The following SGCZ variants were observed in gnomAD, a reference collection of about 807,000 sequenced individuals.
The protein encoded by SGCZ is zeta-sarcoglycan.
A neutral mutation model predicts 41.3 loss-of-function variants in SGCZ; 40 were observed. The ratio of observed to expected loss-of-function variants is 0.97; its 90% CI spans 0.75 to 1.26. The LOEUF (loss-of-function observed/expected upper bound fraction) is 1.26, where lower values mean the gene tolerates loss of function less well. Among genes scored for constraint, SGCZ ranks in the 50% most tolerant of loss-of-function variants. The pLI is 0.00. For synonymous variants in SGCZ, 206 were observed against 137.5 expected (o/e 1.50, Z -3.49); for missense variants, 552 against 369.8 (o/e 1.49, Z -4.04).
At chr8:15,227,469 T>C (rs1387363823) in intron 1 of SGCZ, among the ~76,000 whole-genome samples, 1 of 152,208 alleles carries the variant, frequency 6.6e-6, no homozygotes, top group Non-Finnish European at 1.5e-5. Flanking sequence ...CGTCTTATAA[T>C]GTAAACTTTA....
rs567860857 is a variant in SGCZ, at chr8:15,189,227, G to A, written c.39+48358C>T. On this transcript the variant is annotated intron_variant, in intron 1 of 7. Coordinates refer to ENST00000382080, the MANE Select transcript of SGCZ (RefSeq NM_139167.4). ...ATTTTAAGAGTAAACAAATTTGGAA[G>A]GTCAATTTTGTCAGAAAGTAAAGAG... Among the ~76,000 whole-genome samples the A allele has an allele frequency of 5.3e-5, 8 of 152,252 alleles. No individual in the cohort carries two copies. In the East Asian group the frequency reaches 1.5e-3, roughly 29 times the overall value.
At chr8:15,219,267 T>G (rs1329258268) in intron 1 of SGCZ, among the ~76,000 whole-genome samples, 5 of 152,180 alleles carry the variant, frequency 3.3e-5, no homozygotes, top group African/African-American at 9.7e-5. Context: ...ATACTTTCCT[T>G]TCTCTTGTGT....
At chr8:14,617,832 A>G (rs145700979) in intron 1 of SGCZ, among the ~76,000 whole-genome samples, 2,185 of 137,492 alleles carry the variant, frequency 0.016, 52 homozygotes, top group African/African-American at 0.056. Context: ...GTAAGTTTTT[A>G]TAATTTTTTG....
intron 1 of SGCZ, among the ~76,000 whole-genome samples, chr8:14,980,620 A>T (rs547384075): frequency 6.4e-4 from 97 of 152,322 alleles, no homozygotes; most frequent in African/African-American, 2.3e-3. Context: ...GGCAGCAGGC[A>T]AAGAGAGAGA....
intron 1 of SGCZ, among the ~76,000 whole-genome samples, chr8:15,203,344 A>G (rs1017952828): frequency 6.6e-6 from 1 of 152,098 alleles, no homozygotes; most frequent in Non-Finnish European, 1.5e-5. Flanking sequence ...CAGTAGTGGG[A>G]TTTTTATTTG....
chr8:14,269,418 A>G (rs1026287454), intron 3 of SGCZ, among the ~76,000 whole-genome samples: 7 of 151,932 alleles, frequency 4.6e-5, no homozygotes, highest in Non-Finnish European at 1.0e-4. Flanking sequence ...GATCATATCC[A>G]TTTACTTGCC....
At chr8:14,695,302 T>C (rs1002947944) in intron 1 of SGCZ, among the ~76,000 whole-genome samples, 22 of 152,250 alleles carry the variant, frequency 1.4e-4, no homozygotes, top group African/African-American at 4.8e-4. Flanking sequence ...TAAAGAAAAG[T>C]AGAAAATAAA....
At position 14,837,736 on chromosome 8, in the gene SGCZ, G is replaced by GT. The variant is rs528766577; in HGVS notation, c.40-282811dup. 3.9e-3 allele frequency among the ~76,000 whole-genome samples: 598 copies of GT among 152,078 alleles called. 13 individuals carry two copies. The highest frequency in any genetic ancestry group is 0.03 in the Admixed American group (460 of 15,266). On this transcript the variant is annotated intron_variant, in intron 1 of 7. Transcript: ENST00000382080. ...ATTTCTGTATATTACAATGGGATGG[G>GT]TTTTTTTGTGAAGAATCGTACTTAG...
At chr8:14,213,264 A>G (rs1805877704) in intron 4 of SGCZ, among the ~76,000 whole-genome samples, 1 of 152,152 alleles carries the variant, frequency 6.6e-6, no homozygotes, top group Non-Finnish European at 1.5e-5. Flanking sequence ...ATTTCTGAAA[A>G]GTAAAGACAC....
At chr8:14,337,736 C>G (rs2081668) in intron 2 of SGCZ, among the ~76,000 whole-genome samples, 117,307 of 152,040 alleles carry the variant, frequency 0.77, 45,355 homozygotes, top group South Asian at 0.88. Flanking sequence ...ATTAAAAATT[C>G]TGGGTGAGAA....
chr8:15,227,629 G>A (rs78740152), intron 1 of SGCZ, among the ~76,000 whole-genome samples: 13,394 of 152,136 alleles, frequency 0.088, 709 homozygotes, highest in African/African-American at 0.15. Context: ...TTCTCAAATT[G>A]TAGTTGATGT....
At chr8:15,084,624 T>C (rs1042277420) in intron 1 of SGCZ, among the ~76,000 whole-genome samples, 4 of 152,152 alleles carry the variant, frequency 2.6e-5, no homozygotes, top group African/African-American at 9.6e-5. Context: ...TGGTAATGCA[T>C]GTCTGTAGTC....
chr8:14,522,576 A>G (rs1439419840), intron 2 of SGCZ, among the ~76,000 whole-genome samples: 1 of 151,768 alleles, frequency 6.6e-6, no homozygotes, highest in Non-Finnish European at 1.5e-5. Flanking sequence ...ATATCATTTC[A>G]TTCCTTATAT....
intron 1 of SGCZ, among the ~76,000 whole-genome samples, chr8:14,784,933 TA>T (rs33996345): frequency 1.0e-5 from 1 of 97,362 alleles, no homozygotes; most frequent in Non-Finnish European, 1.9e-5. Context: ...TATATATATA[TA>T]AAATATATAT....
chr8:15,040,009 T>A (rs1804029422), intron 1 of SGCZ, among the ~76,000 whole-genome samples: 1 of 152,202 alleles, frequency 6.6e-6, no homozygotes, highest in African/African-American at 2.4e-5. Flanking sequence ...AAAAAGTTAA[T>A]AACCAGCAAG....
chr8:14,632,983 A>G (rs1806709162), intron 1 of SGCZ, among the ~76,000 whole-genome samples: 2 of 151,818 alleles, frequency 1.3e-5, no homozygotes, highest in Admixed American at 1.3e-4. Flanking sequence ...AATTATATAT[A>G]TATATTATTT....
intron 1 of SGCZ, among the ~76,000 whole-genome samples, chr8:14,793,838 T>C (rs143881978): frequency 2.6e-5 from 4 of 152,240 alleles, no homozygotes; most frequent in South Asian, 2.1e-4. Flanking sequence ...GAAGCTGAAA[T>C]AGAGGATCTT....
In SGCZ at chr8:14,283,070, C is replaced by T. The variant is rs181896637; in HGVS notation, c.336+41033G>A. 2.9e-3 allele frequency among the ~76,000 whole-genome samples: 434 copies of T among 151,822 alleles called. 5 individuals are homozygous for T. The highest frequency in any genetic ancestry group is 0.017 in the Middle Eastern group (5 of 290). On this transcript the variant is annotated intron_variant, in intron 3 of 7. Coordinates refer to ENST00000382080, the MANE Select transcript of SGCZ (RefSeq NM_139167.4). ...TTCACCGTGTTAGCCAGGATGCTCT[C>T]GATCTCCTGACCTCGTGATCCGCCC...
intron 2 of SGCZ, among the ~76,000 whole-genome samples, chr8:14,526,538 C>T (rs889588744): frequency 1.3e-5 from 2 of 152,114 alleles, no homozygotes; most frequent in African/African-American, 4.8e-5. Flanking sequence ...TTGTATACTC[C>T]TTCTTTGATT....
Sources: allele counts gnomAD v4.1 joint callset (sites outside exome capture counted in the v4.1 genomes callset), GRCh38; gene constraint gnomAD v4.1.1; transcripts MANE v1.5; gene names NCBI Gene and HGNC (gene_info 2026-07-23, HGNC 2026-07-21).